Variants in SPOCK3 observed in about 807,000 individuals in gnomAD.
The protein encoded by SPOCK3 is SPARC (osteonectin), cwcv and kazal like domains proteoglycan 3.
A neutral mutation model predicts 56.6 loss-of-function variants in SPOCK3; 30 were observed. The observed-to-expected ratio is 0.53, with a 90% CI of 0.40 to 0.72. The LOEUF (loss-of-function observed/expected upper bound fraction) is 0.72, where lower values mean the gene tolerates loss of function less well. SPOCK3 is among the 30% of genes least tolerant of loss of function. SPOCK3 has a pLI of 0.00. For synonymous variants in SPOCK3, 196 were observed against 183.3 expected, an observed-to-expected ratio of 1.07 and a Z score of -0.56; for missense variants, 527 against 530.0, an observed-to-expected ratio of 0.99 and a Z score of 0.06.
intron 6 of SPOCK3, among the ~76,000 whole-genome samples, chr4:166,863,738 T>A (rs1731485552): frequency 6.6e-6 from 1 of 152,072 alleles, no homozygotes; most frequent in South Asian, 2.1e-4. Flanking sequence ...GAGCTAACTA[T>A]CCTAAATATA....
intron 2 of SPOCK3, among the ~76,000 whole-genome samples, chr4:167,169,060 C>T (rs769197908): frequency 2.0e-5 from 3 of 152,182 alleles, no homozygotes; most frequent in Non-Finnish European, 2.9e-5. Flanking sequence ...AAACCTCTGC[C>T]TAGATTTCAG....
chr4:166,871,248 A>C (rs908349169), intron 6 of SPOCK3, among the ~76,000 whole-genome samples: 1 of 152,130 alleles, frequency 6.6e-6, no homozygotes, highest in African/African-American at 2.4e-5. Context: ...TAAATCAATA[A>C]ATAAAATCAA....
chr4:166,775,630 GA>G (rs1560844588), intron 7 of SPOCK3, among the ~76,000 whole-genome samples: 1 of 152,136 alleles, frequency 6.6e-6, no homozygotes, highest in Non-Finnish European at 1.5e-5. Flanking sequence ...ACAGCTAGAA[GA>G]AAAAGTATCA....
At chr4:167,223,215 GAATATAT>G (rs1252076071) in intron 2 of SPOCK3, among the ~76,000 whole-genome samples, 27 of 133,442 alleles carry the variant, frequency 2.0e-4, no homozygotes, top group Admixed American at 3.1e-4. Context: ...TTTTATATGT[GAATATAT>G]AATATATAAT....
At chr4:166,771,635 A>C (rs1364654302) in intron 7 of SPOCK3, among the ~76,000 whole-genome samples, 2 of 152,034 alleles carry the variant, frequency 1.3e-5, no homozygotes, top group African/African-American at 4.8e-5. Context: ...TCTTAGTTCT[A>C]ATGTGCCTAA....
intron 2 of SPOCK3, among the ~76,000 whole-genome samples, chr4:167,107,118 T>G (rs1430845107): frequency 6.6e-6 from 1 of 151,846 alleles, no homozygotes; most frequent in African/African-American, 2.4e-5. Context: ...TTCCAATAAA[T>G]AGAGGGAAAA....
chr4:167,136,321 T>C (rs1269522106), intron 2 of SPOCK3, among the ~76,000 whole-genome samples: 2 of 152,144 alleles, frequency 1.3e-5, no homozygotes, highest in Admixed American at 6.6e-5. Context: ...TTAAAAATAG[T>C]TTATTTTCTA....
chr4:167,119,457 C>T (rs1017576492), intron 2 of SPOCK3, among the ~76,000 whole-genome samples: 3 of 151,902 alleles, frequency 2.0e-5, no homozygotes, highest in East Asian at 1.9e-4. Flanking sequence ...TTATAATATC[C>T]CTTAAAAATA....
chr4:166,999,953 A>G (rs1748782142), intron 4 of SPOCK3, among the ~76,000 whole-genome samples: 1 of 152,142 alleles, frequency 6.6e-6, no homozygotes, highest in Admixed American at 6.6e-5. Flanking sequence ...CTTTTTATGA[A>G]CATCAATCAT....
chr4:167,052,146 A>G (rs549096917), intron 3 of SPOCK3, among the ~76,000 whole-genome samples: 2 of 152,322 alleles, frequency 1.3e-5, no homozygotes, highest in Admixed American at 6.5e-5. Flanking sequence ...AAAACAATCA[A>G]AGATTTTTGG....
chr4:166,951,311 CAA>C lies in SPOCK3; in HGVS notation c.351-38570_351-38569del, dbSNP rs879477833. 2.2e-5 allele frequency among the ~76,000 whole-genome samples: 3 copies of C among 137,234 alleles called. 1 individual carries two copies. The highest frequency in any genetic ancestry group is 9.1e-5 in the African/African-American group (3 of 32,892). 90.0% of individuals were successfully genotyped at this position (137,234 alleles called of 152,430 possible). On this transcript the variant is annotated intron_variant, in intron 4 of 10. Coordinates refer to ENST00000357545, the MANE Select transcript of SPOCK3 (RefSeq NM_001040159.2). Reference sequence around the variant, plus strand: ...AGAGATTACTACAAACACCTCTACGCAAAAAAACTAGAAAATCTAGAAGAAAT... The same window carrying C: ...AGAGATTACTACAAACACCTCTACGCAAAAACTAGAAAATCTAGAAGAAAT...
intron 5 of SPOCK3, among the ~76,000 whole-genome samples, chr4:166,909,501 G>A (rs974192563): frequency 6.6e-6 from 1 of 151,912 alleles, no homozygotes; most frequent in African/African-American, 2.4e-5. Context: ...AATAGAACTT[G>A]TAGGAATATT....
At chr4:166,883,759 CT>C (rs1381754471) in intron 6 of SPOCK3, among the ~76,000 whole-genome samples, 18 of 152,152 alleles carry the variant, frequency 1.2e-4, no homozygotes, top group African/African-American at 3.9e-4. Context: ...AAACTGCTTT[CT>C]TTTAACAGTG....
chr4:167,209,230 T>C (rs1218199175), intron 2 of SPOCK3, among the ~76,000 whole-genome samples: 1 of 152,112 alleles, frequency 6.6e-6, no homozygotes, highest in African/African-American at 2.4e-5. Flanking sequence ...TTACTGGAAA[T>C]GTAGTGGTTT....
chr4:167,205,369 T>A lies in SPOCK3; in HGVS notation c.189+28616A>T, dbSNP rs188098201. On this transcript the variant is annotated intron_variant, in intron 2 of 10. Transcript: ENST00000357545. ...TATATATAATATATATATTATATAT[T>A]TTATATATATAATATATATATTTTA... Among the ~76,000 whole-genome samples, 21 of 35,616 alleles carry A rather than the reference T, an allele frequency of 5.9e-4. 1 individual carries two copies. The highest frequency in any genetic ancestry group is 3.1e-3 in the South Asian group (5 of 1,598). The allele number at this position is 35,616 out of a possible 152,430, so 23.4% of individuals were successfully genotyped here.
At chr4:167,103,040 C>T (rs1480924135) in intron 2 of SPOCK3, among the ~76,000 whole-genome samples, 1 of 151,078 alleles carries the variant, frequency 6.6e-6, no homozygotes, top group African/African-American at 2.4e-5. Flanking sequence ...GTGGTAGGGA[C>T]ATGAGGCCCC....
At chr4:166,920,362 A>G (rs1738352216) in intron 4 of SPOCK3, among the ~76,000 whole-genome samples, 1 of 152,204 alleles carries the variant, frequency 6.6e-6, no homozygotes, top group Non-Finnish European at 1.5e-5. Context: ...ATGGTGTGAA[A>G]TAAGTAATAA....
chr4:167,195,816 A>G (rs1319055468), intron 2 of SPOCK3, among the ~76,000 whole-genome samples: 1 of 152,142 alleles, frequency 6.6e-6, no homozygotes, highest in East Asian at 1.9e-4. Context: ...TCCTTCTCAA[A>G]ATGGCTCTCA....
intron 2 of SPOCK3, among the ~76,000 whole-genome samples, chr4:167,080,281 A>C (rs1041584135): frequency 1.3e-5 from 2 of 152,086 alleles, no homozygotes; most frequent in Admixed American, 6.6e-5. Context: ...GGAAGTGAGA[A>C]GGCATAAGAA....
Sources: allele counts gnomAD v4.1 joint callset (sites outside exome capture counted in the v4.1 genomes callset), GRCh38; gene constraint gnomAD v4.1.1; transcripts MANE v1.5; gene names NCBI Gene and HGNC (gene_info 2026-07-23, HGNC 2026-07-21).